Variants in ARHGAP26 observed in about 807,000 individuals in gnomAD.
ARHGAP26 encodes rho GTPase-activating protein 26.
In ARHGAP26, 38 loss-of-function variants were observed where a neutral mutation model predicts 104.8. The observed-to-expected ratio is 0.36, with a 90% confidence interval of 0.28 to 0.48. The LOEUF is 0.48. Among genes scored for constraint, ARHGAP26 ranks in the 20% least tolerant of loss-of-function variants. The pLI is 0.99. For synonymous variants in ARHGAP26, 341 were observed against 340.0 expected, an observed-to-expected ratio of 1.00 and a Z score of -0.03; for missense variants, 704 against 947.9, an observed-to-expected ratio of 0.74 and a Z score of 3.38.
At chr5:142,934,104 C>T (rs983147975) in intron 11 of ARHGAP26, among the ~76,000 whole-genome samples, 11 of 152,154 alleles carry the variant, frequency 7.2e-5, no homozygotes, top group Admixed American at 7.2e-4. Flanking sequence ...CTGTCTCTCC[C>T]CCTGCCTCCA....
chr5:143,104,104 G>A (rs2150647728), intron 17 of ARHGAP26, among the ~76,000 whole-genome samples: 1 of 151,560 alleles, frequency 6.6e-6, no homozygotes, highest in Non-Finnish European at 1.5e-5. Flanking sequence ...GCTAGTGAAA[G>A]CACCAAAAGG....
At chr5:142,812,225 A>G (rs1312080418) in intron 1 of ARHGAP26, among the ~76,000 whole-genome samples, 1 of 152,058 alleles carries the variant, frequency 6.6e-6, no homozygotes, top group Admixed American at 6.5e-5. Flanking sequence ...AGGAAAACTC[A>G]CTGTAGCATG....
intron 18 of ARHGAP26, 111 bp downstream of exon 18, chr5:143,121,258 C>A: frequency 8.9e-7 from 1 of 1,126,062 alleles, no homozygotes; most frequent in Non-Finnish European, 1.2e-6. Context: ...CTTACACTGT[C>A]ATGACGATGA....
chr5:142,902,232 C>T (rs1017967814), intron 7 of ARHGAP26, among the ~76,000 whole-genome samples, 193 bp downstream of exon 7: 2 of 152,130 alleles, frequency 1.3e-5, no homozygotes, highest in Admixed American at 6.5e-5. Flanking sequence ...TCATCCTCTT[C>T]TCCATTATTT....
At chr5:143,158,852 G>A (rs853169) in intron 20 of ARHGAP26, among the ~76,000 whole-genome samples, 30,816 of 152,096 alleles carry the variant, frequency 0.2, 3,766 homozygotes, top group East Asian at 0.39. Flanking sequence ...TTGTCTTCAG[G>A]GAAAACCAAG....
At chr5:142,864,899 C>T (rs780863755) in intron 1 of ARHGAP26, among the ~76,000 whole-genome samples, 2 of 152,360 alleles carry the variant, frequency 1.3e-5, no homozygotes, top group East Asian at 1.9e-4. Context: ...GCAGCCAATG[C>T]GCGTCATACG....
Position 143,216,182 on chromosome 5 carries a change from C to T in ARHGAP26, c.2191+2094C>T, listed in dbSNP as rs143995745. 5.8e-4 allele frequency: 275 copies of T among 471,262 alleles called. 2 individuals carry two copies. The highest frequency in any genetic ancestry group is 5.1e-3 in the African/African-American group (255 of 50,086). 29.2% of individuals were successfully genotyped at this position (471,262 alleles called of 1,614,324 possible). ...TGTTAACTGCCAAGTCCTTTTTTTC[C>T]CCAGCAGAGTGTCCTTCAGCTTCCA... On this transcript the variant is annotated intron_variant, in intron 22 of 22. Transcript: ENST00000645722.
intron 2 of ARHGAP26, among the ~76,000 whole-genome samples, chr5:142,874,575 G>A (rs1169576353): frequency 1.3e-5 from 2 of 152,174 alleles, no homozygotes; most frequent in Non-Finnish European, 2.9e-5. Context: ...TGGCAAAGAC[G>A]ACTGTTCATG....
chr5:143,021,732 G>C (rs1780368941), intron 12 of ARHGAP26, among the ~76,000 whole-genome samples: 1 of 152,166 alleles, frequency 6.6e-6, no homozygotes, highest in South Asian at 2.1e-4. Flanking sequence ...ACATTAGTTG[G>C]TAAGTGCCTA....
intron 22 of ARHGAP26, among the ~76,000 whole-genome samples, chr5:143,219,235 T>G (rs1810814650): frequency 6.6e-6 from 1 of 152,208 alleles, no homozygotes; most frequent in Non-Finnish European, 1.5e-5. Flanking sequence ...AGCCTTAATT[T>G]TCTCATCTGC....
At chr5:143,076,989 G>A (rs1789130533) in intron 17 of ARHGAP26, among the ~76,000 whole-genome samples, 1 of 152,190 alleles carries the variant, frequency 6.6e-6, no homozygotes. Flanking sequence ...GTTTTAGTAA[G>A]ATGCATACCT....
rs532851388 is a variant in ARHGAP26, at chr5:143,216,132, A to G, written c.2191+2044A>G. On this transcript the variant is annotated intron_variant, in intron 22 of 22. Coordinates refer to ENST00000645722, the MANE Select transcript of ARHGAP26 (RefSeq NM_001135608.3). ...CTTAAATAGTTAAGCATAAAGGGGG[A>G]AAAAGGAAGAGAAGCCTGGATGATT... is the stretch of plus-strand genomic sequence containing the variant. 9.7e-4 allele frequency: 455 copies of G among 469,992 alleles called. 6 individuals carry two copies. Among genetic ancestry groups the G allele is most frequent in the South Asian group, 6.6e-3 (428 of 64,416 alleles). 29.1% of individuals were successfully genotyped at this position (469,992 alleles called of 1,614,324 possible). A position where few individuals can be genotyped will look rare whatever the true frequency, so the allele number is the denominator to read the frequency against.
chr5:142,818,056 G>A (rs576799663), intron 1 of ARHGAP26, among the ~76,000 whole-genome samples: 8 of 152,252 alleles, frequency 5.3e-5, no homozygotes, highest in African/African-American at 1.9e-4. Flanking sequence ...ATGTCATCCA[G>A]TCCTAACACC....
intron 17 of ARHGAP26, among the ~76,000 whole-genome samples, chr5:143,120,207 T>C (rs1361784452): frequency 6.6e-6 from 1 of 152,224 alleles, no homozygotes; most frequent in Non-Finnish European, 1.5e-5. Flanking sequence ...TCGAGTTTTA[T>C]AGCTAGGTCC....
intron 1 of ARHGAP26, among the ~76,000 whole-genome samples, chr5:142,801,139 T>C (rs542031648): frequency 7.2e-5 from 11 of 152,354 alleles, no homozygotes; most frequent in South Asian, 6.2e-4. Flanking sequence ...TTGCTTTTTC[T>C]TTCTTTTTAA....
At chr5:143,027,200 C>T (rs1334102537) in intron 12 of ARHGAP26, among the ~76,000 whole-genome samples, 1 of 147,822 alleles carries the variant, frequency 6.8e-6, no homozygotes, top group African/African-American at 2.5e-5. Context: ...GAGATGGAGT[C>T]TTACCCTGTC....
intron 20 of ARHGAP26, among the ~76,000 whole-genome samples, chr5:143,204,726 A>G (rs909296455): frequency 7.2e-5 from 11 of 152,182 alleles, no homozygotes; most frequent in African/African-American, 2.7e-4. Flanking sequence ...TATGTTCCAA[A>G]CTATGCCATT....
intron 11 of ARHGAP26, among the ~76,000 whole-genome samples, chr5:142,989,200 G>A (rs1775229379): frequency 6.6e-6 from 1 of 152,170 alleles, no homozygotes; most frequent in African/African-American, 2.4e-5. Context: ...ATATATTTAG[G>A]ATAATTAGCT....
chr5:142,772,957 T>C (rs1359139318), intron 1 of ARHGAP26: 1 of 524,970 alleles, frequency 1.9e-6, no homozygotes, highest in Non-Finnish European at 3.9e-6. Context: ...ATTTAAGCTG[T>C]CTAATGGAAT....
Sources: allele counts gnomAD v4.1 joint callset (sites outside exome capture counted in the v4.1 genomes callset), GRCh38; gene constraint gnomAD v4.1.1; transcripts MANE v1.5; gene names NCBI Gene and HGNC (gene_info 2026-07-23, HGNC 2026-07-21).